Variants in FRMPD4 observed in about 807,000 individuals in gnomAD.
The protein encoded by FRMPD4 is FERM and PDZ domain-containing protein 4.
Under a neutral mutation model 94.1 loss-of-function variants are expected in FRMPD4, and 22 were observed. The ratio of observed to expected loss-of-function variants is 0.23; its 90% CI spans 0.17 to 0.33. The LOEUF is 0.33. Among genes scored for constraint, FRMPD4 ranks in the 10% least tolerant of loss-of-function variants. FRMPD4 has a pLI of 1.00. For missense variants in FRMPD4, 1,111 were observed against 1,339.9 expected, an observed-to-expected ratio of 0.83 and a Z score of 2.67; for synonymous variants, 631 against 548.6, an observed-to-expected ratio of 1.15 and a Z score of -2.10.
chrX:11,946,599 T>TTTCACCA (rs2054190735), intron 3 of FRMPD4, among the ~76,000 whole-genome samples: 25 of 111,592 alleles, frequency 2.2e-4, no homozygotes, highest in Non-Finnish European at 4.5e-4. Context: ...GGCTAAGGGC[T>TTTCACCA]GCCTAGGTAG....
At chrX:12,154,787 G>T (rs1280659087) in intron 1 of FRMPD4, among the ~76,000 whole-genome samples, 1 of 112,279 alleles carries the variant, frequency 8.9e-6, no homozygotes, top group Non-Finnish European at 1.9e-5. Flanking sequence ...TCCTGGATTC[G>T]GCTTCATGGA....
At chrX:11,841,932 T>A (rs2053539640) in intron 1 of FRMPD4, among the ~76,000 whole-genome samples, 1 of 111,246 alleles carries the variant, frequency 9.0e-6, no homozygotes, top group Non-Finnish European at 1.9e-5. Context: ...GTATAAGGTG[T>A]AAGGAGGGGA....
intron 1 of FRMPD4, among the ~76,000 whole-genome samples, chrX:12,208,831 C>T (rs2056724926): frequency 9.0e-6 from 1 of 111,170 alleles, no homozygotes; most frequent in Admixed American, 9.6e-5. Context: ...ATATCTAAAG[C>T]GTAAAGAGTA....
At chrX:12,577,139 T>C (rs2058819450) in intron 2 of FRMPD4, among the ~76,000 whole-genome samples, 1 of 111,974 alleles carries the variant, frequency 8.9e-6, no homozygotes, top group African/African-American at 3.3e-5. Context: ...GATGACACTT[T>C]AGTTTTAATC....
chrX:12,501,118 A>G (rs765841695), intron 2 of FRMPD4, among the ~76,000 whole-genome samples: 4 of 112,281 alleles, frequency 3.6e-5, no homozygotes, highest in Non-Finnish European at 7.5e-5. Context: ...ATGCATTACC[A>G]TTAGCATCGC....
At position 12,641,057 on chromosome X, in the gene FRMPD4, A is replaced by G. The variant is rs750227690; in HGVS notation, c.422+26176A>G. ...AGGTGGGATTGAAATGACAATTTAT[A>G]GAAAGAAAACAAATTTTTCATCATT... On this transcript the variant is annotated intron_variant, in intron 4 of 16. Transcript: ENST00000675598. Among the ~76,000 whole-genome samples the G allele has an allele frequency of 3.6e-5, 4 of 111,582 alleles. No homozygotes were observed. In the South Asian group the frequency reaches 1.5e-3, roughly 43 times the overall value.
At chrX:12,655,624 A>G (rs917677198) in intron 4 of FRMPD4, among the ~76,000 whole-genome samples, 2 of 112,273 alleles carry the variant, frequency 1.8e-5, no homozygotes, top group Non-Finnish European at 3.8e-5. Context: ...TTAAATTTAA[A>G]CAGCCACAGG....
At chrX:11,889,829 G>A (rs2053864723) in intron 3 of FRMPD4, among the ~76,000 whole-genome samples, 1 of 112,268 alleles carries the variant, frequency 8.9e-6, no homozygotes, top group Non-Finnish European at 1.9e-5. Flanking sequence ...GCTGAGTGCT[G>A]GCTGGACCAT....
intron 2 of FRMPD4, among the ~76,000 whole-genome samples, chrX:12,557,828 T>TA (rs2058612739): frequency 8.5e-5 from 1 of 11,745 alleles, no homozygotes; most frequent in Middle Eastern, 0.043. Flanking sequence ...GAACCAGGGA[T>TA]TTTACCTGTT....
chrX:12,244,672 C>G (rs774387996), intron 1 of FRMPD4, among the ~76,000 whole-genome samples: 48 of 112,632 alleles, frequency 4.3e-4, no homozygotes, highest in Non-Finnish European at 8.1e-4. Context: ...GAAAAGTTTA[C>G]CAGCTCCTGT....
In FRMPD4 at chrX:12,112,096, C is replaced by T. The variant is rs58413664; in HGVS notation, c.95+234078C>T. ...ATACCCAAAGGACTATAAATCATACCGCTATAAAGACACATGCACACGTAT... is the reference window on the plus strand; with the variant it reads ...ATACCCAAAGGACTATAAATCATACTGCTATAAAGACACATGCACACGTAT... On this transcript the variant is annotated intron_variant, in intron 3 of 18. Transcript: ENST00000640291. 4.4e-3 allele frequency among the ~76,000 whole-genome samples: 495 copies of T among 111,644 alleles called. 2 individuals carry two copies. The highest frequency in any genetic ancestry group is 0.015 in the African/African-American group (461 of 30,688).
At chrX:11,984,842 C>T (rs1284040401) in intron 3 of FRMPD4, among the ~76,000 whole-genome samples, 1 of 112,190 alleles carries the variant, frequency 8.9e-6, no homozygotes, top group Non-Finnish European at 1.9e-5. Flanking sequence ...TACAACTCAA[C>T]AACAAAACTA....
intron 1 of FRMPD4, among the ~76,000 whole-genome samples, chrX:12,144,022 G>T (rs1396536239): frequency 8.9e-6 from 1 of 111,937 alleles, no homozygotes; most frequent in Non-Finnish European, 1.9e-5. Flanking sequence ...AAAAAGAATG[G>T]GTGATACTAC....
intron 3 of FRMPD4, among the ~76,000 whole-genome samples, chrX:11,884,998 C>T (rs961213686): frequency 1.4e-4 from 15 of 111,095 alleles, no homozygotes; most frequent in African/African-American, 4.6e-4. Context: ...ATGGATGCAC[C>T]GAAACTGTTG....
intron 2 of FRMPD4, among the ~76,000 whole-genome samples, chrX:12,537,933 G>A (rs2058358934): frequency 9.0e-6 from 1 of 111,296 alleles, no homozygotes; most frequent in Non-Finnish European, 1.9e-5. Context: ...CCCAGTGTGA[G>A]TGATGCAGAA....
At chrX:12,127,420 T>A (rs1294259341) in intron 3 of FRMPD4, among the ~76,000 whole-genome samples, 1 of 111,700 alleles carries the variant, frequency 9.0e-6, no homozygotes, top group East Asian at 2.8e-4. Flanking sequence ...AAAACCCTTA[T>A]AAGACCATCA....
chrX:12,182,438 C>G (rs1217851597), intron 1 of FRMPD4, among the ~76,000 whole-genome samples: 2 of 110,902 alleles, frequency 1.8e-5, no homozygotes, highest in African/African-American at 6.6e-5. Context: ...ATTCTGAGAT[C>G]TAACATTTAC....
chrX:11,901,750 A>G (rs1028959418), intron 3 of FRMPD4, among the ~76,000 whole-genome samples: 5 of 111,450 alleles, frequency 4.5e-5, no homozygotes, highest in Admixed American at 2.8e-4. Flanking sequence ...CATTCACAAC[A>G]GTATCTTTTT....
intron 2 of FRMPD4, among the ~76,000 whole-genome samples, chrX:12,556,027 T>C (rs940444084): frequency 9.0e-6 from 1 of 111,111 alleles, no homozygotes; most frequent in South Asian, 4.0e-4. Flanking sequence ...AGCAGTCCTC[T>C]TGCCTCAGCC....
Sources: allele counts gnomAD v4.1 joint callset (sites outside exome capture counted in the v4.1 genomes callset), GRCh38; gene constraint gnomAD v4.1.1; transcripts MANE v1.5; gene names NCBI Gene and HGNC (gene_info 2026-07-23, HGNC 2026-07-21).